The following ATP2B2 variants were observed in gnomAD, a reference collection of about 807,000 sequenced individuals.
The protein encoded by ATP2B2 is plasma membrane calcium-transporting ATPase 2.
In ATP2B2, 15 loss-of-function variants were observed where a neutral mutation model predicts 120.0. The ratio of observed to expected loss-of-function variants is 0.12; its 90% CI spans 0.08 to 0.19. The LOEUF is 0.19. Among genes scored for constraint, ATP2B2 ranks in the 10% least tolerant of loss-of-function variants. ATP2B2 has a pLI of 1.00. For missense variants in ATP2B2, 1,045 were observed against 1,719.8 expected (o/e 0.61, Z 6.94); for synonymous variants, 694 against 700.3 (o/e 0.99, Z 0.14).
At chr3:10,410,577 C>T in intron 3 of ATP2B2, 41 bp downstream of exon 3, 2 of 1,556,240 alleles carry the variant, frequency 1.3e-6, no homozygotes, top group African/African-American at 1.4e-5. Context: ...ATGCGGTGGC[C>T]AGGTGTGCGG....
chr3:10,547,872 A>C (rs2067585858), intron 2 of ATP2B2, among the ~76,000 whole-genome samples: 3 of 152,236 alleles, frequency 2.0e-5, no homozygotes. Context: ...TTCCTATGCT[A>C]CAAAAATACT....
In ATP2B2 at chr3:10,342,632, CAATTTCCCCATTAGCAA is replaced by C; in HGVS notation, c.2917+103_2917+119del. The stretch of plus-strand genomic sequence containing the variant: ...CAACTTACTTGACCTCCCTGGGCCT[CAATTTCCCCATTAGCAA>C]AACAGGAGGGGGTTGTGACTCGAGA... On this transcript the variant is annotated intron_variant, in intron 19 of 22. Coordinates refer to ENST00000360273, the MANE Select transcript of ATP2B2 (RefSeq NM_001001331.4). This position sits in a 1 kb window ranked among gnomAD's most constrained non-coding sequence, Gnocchi z 4.4. 1 of 1,266,302 alleles carries C rather than the reference CAATTTCCCCATTAGCAA, an allele frequency of 7.9e-7. No individual in the cohort carries two copies. The highest frequency in any genetic ancestry group is 1.1e-6 in the Non-Finnish European group (1 of 891,506). 78.4% of individuals were successfully genotyped at this position (1,266,302 alleles called of 1,614,324 possible). A position where few individuals can be genotyped will look rare whatever the true frequency, so the allele number is the denominator to read the frequency against.
At chr3:10,462,585 T>C (rs2064538919) in intron 1 of ATP2B2, among the ~76,000 whole-genome samples, 2 of 152,216 alleles carry the variant, frequency 1.3e-5, no homozygotes, top group Admixed American at 6.5e-5. Context: ...AGGTAGGTAT[T>C]ATTATGCATA....
intron 2 of ATP2B2, among the ~76,000 whole-genome samples, chr3:10,573,729 T>C (rs1178172371): frequency 6.6e-6 from 1 of 152,226 alleles, no homozygotes; most frequent in African/African-American, 2.4e-5. Context: ...TCTTACTCTC[T>C]GGGTTCCTAT....
Position 10,326,694 on chromosome 3 carries a change from A to C in ATP2B2, c.*2120T>G, listed in dbSNP as rs2059863501. On this transcript the variant is annotated 3_prime_UTR_variant, in exon 23 of 23. Coordinates refer to ENST00000360273, the MANE Select transcript of ATP2B2 (RefSeq NM_001001331.4). ...TTTGGTTATGCAGTTCCTCTCCTGG[A>C]TACATTCAGAGATACTTCTTCACGA... 2.5e-6 allele frequency: 1 copy of C among 398,844 alleles called. No individual in the cohort carries two copies. Among genetic ancestry groups the C allele is most frequent in the African/African-American group, 2.1e-5 (1 of 48,588 alleles). The allele number at this position is 398,844 out of a possible 1,614,324, so 24.7% of individuals were successfully genotyped here.
chr3:10,454,314 A>ATT lies in ATP2B2; in HGVS notation c.-319-4454_-319-4453dup, dbSNP rs113036246. ...CCTTTCCTCTCAGCTCCAAGTAGGGATTTTTTTTTCTTCAGGTAAAGAAGG... is the reference window on the plus strand; with the variant it reads ...CCTTTCCTCTCAGCTCCAAGTAGGGATTTTTTTTTTTCTTCAGGTAAAGAAGG... On this transcript the variant is annotated intron_variant, in intron 1 of 22. Transcript: ENST00000360273. 1.2e-3 allele frequency among the ~76,000 whole-genome samples: 184 copies of ATT among 151,934 alleles called. 2 individuals are homozygous for ATT. The highest frequency in any genetic ancestry group is 6.8e-3 in the Middle Eastern group (2 of 292).
intron 1 of ATP2B2, among the ~76,000 whole-genome samples, chr3:10,690,476 C>CT (rs1553651007): frequency 6.7e-6 from 1 of 150,342 alleles, no homozygotes; most frequent in Non-Finnish European, 1.5e-5. Context: ...ATCTATCTAT[C>CT]TATATATCTC....
rs1368592852 is a variant in ATP2B2 at position 10,486,359 on chromosome 3, G to GTGTGTGTT, written c.-320+19105_-320+19106insAACACACA. Among the ~76,000 whole-genome samples, 164 of 151,892 alleles carry GTGTGTGTT rather than the reference G, an allele frequency of 1.1e-3. 1 individual carries two copies. Among genetic ancestry groups the GTGTGTGTT allele is most frequent in the Admixed American group, 1.8e-3 (28 of 15,246 alleles). On this transcript the variant is annotated intron_variant, in intron 1 of 22. Transcript: ENST00000360273. Reference sequence around the variant, plus strand: ...TGTGTGTGTGTGTGTGTGTGTGTGTGTCTCAGCCCTGCATAAGATGCTCCT... The same window carrying GTGTGTGTT: ...TGTGTGTGTGTGTGTGTGTGTGTGTGTGTGTGTTTCTCAGCCCTGCATAAGATGCTCCT...
intron 2 of ATP2B2, among the ~76,000 whole-genome samples, chr3:10,553,572 T>C (rs1248983152): frequency 6.6e-6 from 1 of 152,142 alleles, no homozygotes; most frequent in African/African-American, 2.4e-5. Flanking sequence ...ACTACTTAAA[T>C]ATTTAGTACT....
rs554270950 is a variant in ATP2B2, at chr3:10,360,073, C to T, written c.1710G>A (p.Glu570=). The change falls in exon 13 of 23, where the codon GAG becomes GAA. Residue 570 remains glutamate (E), a synonymous_variant. Coordinates refer to ENST00000360273, the MANE Select transcript of ATP2B2 (RefSeq NM_001001331.4). ...ALPRQVGNKT[E]CGLLGFVLDL... is the part of the protein sequence containing the mutation. ...CCAGCACGAAGCCCAGCAGGCCGCA[C>T]TCCGTCTTGTTGCCCACCTGCCGAG... is the stretch of plus-strand genomic sequence containing the variant. 2.7e-5 allele frequency: 44 copies of T among 1,608,350 alleles called. No homozygotes were observed. The Admixed American group carries it at 3.8e-4, about 14-fold the overall frequency.
chr3:10,334,795 G>A (rs2060073292), intron 22 of ATP2B2, among the ~76,000 whole-genome samples: 1 of 100,392 alleles, frequency 1.0e-5, no homozygotes, highest in African/African-American at 4.1e-5. Context: ...CCAGCACACC[G>A]GGTTACCTGC....
At chr3:10,581,384 G>C (rs1178836365) in intron 2 of ATP2B2, among the ~76,000 whole-genome samples, 1 of 152,226 alleles carries the variant, frequency 6.6e-6, no homozygotes, top group African/African-American at 2.4e-5. Context: ...GGGATGGTAA[G>C]ATGAGAGATC....
At chr3:10,435,999 G>A (rs1036524151) in intron 2 of ATP2B2, among the ~76,000 whole-genome samples, 1 of 152,166 alleles carries the variant, frequency 6.6e-6, no homozygotes, top group Non-Finnish European at 1.5e-5. Context: ...GAAGAGTCTT[G>A]GTGACGATCA....
At chr3:10,464,164 G>C (rs1158695718) in intron 1 of ATP2B2, among the ~76,000 whole-genome samples, 1 of 152,194 alleles carries the variant, frequency 6.6e-6, no homozygotes, top group Non-Finnish European at 1.5e-5. Context: ...GAGACGAACA[G>C]AATCCACCCG....
At chr3:10,629,211 G>A (rs2069793115) in intron 1 of ATP2B2, among the ~76,000 whole-genome samples, 1 of 152,190 alleles carries the variant, frequency 6.6e-6, no homozygotes, top group Admixed American at 6.5e-5. Flanking sequence ...CCTGCTTATG[G>A]GACGAGCTTG....
chr3:10,384,291 G>T (rs1316219779), intron 8 of ATP2B2, among the ~76,000 whole-genome samples: 1 of 152,184 alleles, frequency 6.6e-6, no homozygotes, highest in African/African-American at 2.4e-5. Context: ...GAAACCCACA[G>T]CCCAGTGCCT....
intron 1 of ATP2B2, among the ~76,000 whole-genome samples, chr3:10,503,330 C>T (rs561501741): frequency 5.1e-4 from 78 of 152,366 alleles, no homozygotes; most frequent in East Asian, 2.7e-3. Context: ...GTCTGGGCCA[C>T]GGGCAGCAGC....
intron 1 of ATP2B2, among the ~76,000 whole-genome samples, chr3:10,638,730 T>C (rs755089141): frequency 1.9e-4 from 29 of 152,118 alleles, no homozygotes; most frequent in Admixed American, 1.2e-3. Context: ...GTGCTTCAAA[T>C]ATAAAGACAC....
chr3:10,653,938 T>C (rs1248961308), intron 1 of ATP2B2, among the ~76,000 whole-genome samples: 3 of 152,114 alleles, frequency 2.0e-5, no homozygotes, highest in African/African-American at 7.2e-5. Context: ...CCACTTCCAA[T>C]ACCCCCTTCT....
Sources: gnomAD v4.1 joint callset for allele counts (sites outside exome capture counted in the v4.1 genomes callset) on GRCh38, gnomAD v4.1.1 for gene constraint, Gnocchi (gnomAD v3.1) non-coding constraint, MANE v1.5 for transcripts, NCBI Gene and HGNC (gene_info 2026-07-23, HGNC 2026-07-21) for gene names.